The following OVCH1 variants were observed in gnomAD, a reference collection of about 807,000 sequenced individuals.
OVCH1 encodes ovochymase 1, also known as ovochymase-1.
A neutral mutation model predicts 138.4 loss-of-function variants in OVCH1; 139 were observed. That is an observed-to-expected ratio of 1.00 (90% CI 0.87 to 1.16). The LOEUF (loss-of-function observed/expected upper bound fraction) is 1.16. Ranked by LOEUF, OVCH1 falls within the 50% of genes most tolerant of loss-of-function variation. OVCH1 has a pLI of 0.00. For missense variants in OVCH1, 1,367 were observed against 1,357.9 expected (o/e 1.01, Z -0.11); for synonymous variants, 453 against 467.8 (o/e 0.97, Z 0.41).
In OVCH1 at chr12:29,478,779, CTT is replaced by C. The variant is rs1942827986; in HGVS notation, c.1069+54_1069+55del. ...TTTTATTTTAGATCCTTTAGCATCT[CTT>C]TGGTCTTTCAGATACTCTAAAATGA... On this transcript the variant is annotated intron_variant, in intron 9 of 27. Transcript: ENST00000318184. 2.4e-6 allele frequency: 3 copies of C among 1,273,748 alleles called. No individual in the cohort carries two copies. The Admixed American group carries it at 8.6e-5, about 36-fold the overall frequency. 78.9% of individuals were successfully genotyped at this position (1,273,748 alleles called of 1,614,324 possible).
Position 29,456,772 on chromosome 12 carries a change from A to G in OVCH1, c.2281-1367T>C, listed in dbSNP as rs550220792. On this transcript the variant is annotated intron_variant, in intron 19 of 27. Coordinates refer to ENST00000318184, the Ensembl canonical transcript of OVCH1. ...CTTTGTACCCTAGGAAACCTACCAC[A>G]ATATCCAGCACTAACACATGCTAAA... Among the ~76,000 whole-genome samples the G allele has an allele frequency of 7.2e-5, 11 of 152,368 alleles. No homozygotes were observed. In the South Asian group the frequency reaches 2.3e-3, roughly 32 times the overall value.
chr12:29,495,676 T>A (rs1943396660), intron 3 of OVCH1, among the ~76,000 whole-genome samples: 1 of 152,166 alleles, frequency 6.6e-6, no homozygotes, highest in Non-Finnish European at 1.5e-5. Flanking sequence ...GAGTCAAGTA[T>A]TTAAATATTG....
At chr12:29,444,009 T>A (rs1941551949) in intron 24 of OVCH1, 136 bp downstream of exon 24, 17 of 937,068 alleles carry the variant, frequency 1.8e-5, no homozygotes, top group Non-Finnish European at 2.6e-5. Context: ...AAGCCATAGA[T>A]TAGGGGTTAC....
intron 25 of OVCH1, among the ~76,000 whole-genome samples, chr12:29,441,853 CAA>C (rs1390998967): frequency 6.6e-6 from 1 of 151,958 alleles, no homozygotes; most frequent in African/African-American, 2.4e-5. Context: ...TTTATGCAGC[CAA>C]AAAACACATG....
At chr12:29,409,075 A>G (rs1238091719), downstream of OVCH1, among the ~76,000 whole-genome samples, 4 of 152,056 alleles carry the variant, frequency 2.6e-5, no homozygotes, top group East Asian at 1.9e-4. Context: ...ATTTCTTCTA[A>G]ATTTTCTAGT....
At chr12:29,494,314 T>G (rs1040943109) in intron 4 of OVCH1, among the ~76,000 whole-genome samples, 5 of 152,166 alleles carry the variant, frequency 3.3e-5, no homozygotes, top group Admixed American at 2.6e-4. Context: ...TTGTGCTTTG[T>G]TTTTGGCCAC....
intron 23 of OVCH1, among the ~76,000 whole-genome samples, chr12:29,444,560 C>T (rs1048785047): frequency 2.6e-5 from 4 of 151,998 alleles, no homozygotes; most frequent in Admixed American, 2.6e-4. Context: ...TGCCTAATTC[C>T]ATCTGAAAGC....
rs1277852184 is a variant in OVCH1 at position 29,475,073 on chromosome 12, T to A, written c.1588A>T (p.Ile530Phe). The A allele has an allele frequency of 3.2e-6, 5 of 1,585,980 alleles. 1 individual carries two copies. The highest frequency in any genetic ancestry group is 3.6e-5 in the Admixed American group (2 of 56,206). The change falls in exon 14 of 28, where the codon ATT becomes TTT. Residue 530 changes from isoleucine (I) to phenylalanine (F), a missense_variant. Transcript: ENST00000318184. Reference sequence around the variant, plus strand: ...TGTTTATACTCACCTGAGGGCAAAATGGTAAATCTGGCCTTGAAGCCTTGT... The same window carrying A: ...TGTTTATACTCACCTGAGGGCAAAAAGGTAAATCTGGCCTTGAAGCCTTGT...
exon 16 of OVCH1, chr12:29,471,956 G>A (rs760367604): frequency 6.2e-7 from 1 of 1,612,644 alleles, no homozygotes; most frequent in South Asian, 1.1e-5. Flanking sequence ...AGCCACTGGG[G>A]ACTAAATGGA....
chr12:29,424,472 CTG>C (rs1450496326), downstream of OVCH1, among the ~76,000 whole-genome samples: 4 of 152,164 alleles, frequency 2.6e-5, no homozygotes, highest in African/African-American at 9.7e-5. Flanking sequence ...CAACAGGAAA[CTG>C]TTACTCTGTT....
At chr12:29,402,655 AAGG>A in the OVCH1 span, among the ~76,000 whole-genome samples, 1 of 151,936 alleles carries the variant, frequency 6.6e-6, no homozygotes, top group South Asian at 2.1e-4. Context: ...GGAGAAAAGA[AAGG>A]AGAAGAGGGA....
intron 15 of OVCH1, among the ~76,000 whole-genome samples, chr12:29,472,740 C>T (rs1942556511): frequency 6.6e-6 from 1 of 152,214 alleles, no homozygotes; most frequent in South Asian, 2.1e-4. Flanking sequence ...TTGCCCCACA[C>T]TGACTATAGA....
chr12:29,455,498 G>T lies in OVCH1; in HGVS notation c.2281-93C>A, dbSNP rs571745428. ...AACAAGAATGACCAATAATGTATTT[G>T]TAATGTGTTTAATTCCTTAAAGATT... On this transcript the variant is annotated intron_variant, in intron 19 of 27. Transcript: ENST00000318184. 7 of 1,328,228 alleles carry T rather than the reference G, an allele frequency of 5.3e-6. No homozygotes were observed. The East Asian group carries it at 1.2e-4, about 23-fold the overall frequency. 82.3% of individuals were successfully genotyped at this position (1,328,228 alleles called of 1,614,324 possible). A position where few individuals can be genotyped will look rare whatever the true frequency, so the allele number is the denominator to read the frequency against.
intron 17 of OVCH1, 77 bp downstream of exon 17, chr12:29,465,070 T>G: frequency 2.4e-6 from 3 of 1,235,408 alleles, no homozygotes; most frequent in Non-Finnish European, 3.4e-6. Context: ...TAATTACATA[T>G]TTTAGCTAAA....
chr12:29,466,297 A>ATACTGTATTTATCTCAG (rs1942317480), intron 16 of OVCH1, among the ~76,000 whole-genome samples: 1 of 152,202 alleles, frequency 6.6e-6, no homozygotes, highest in South Asian at 2.1e-4. Flanking sequence ...GTTTCTCTTA[A>ATACTGTATTTATCTCAG]TACTGTATTT....
chr12:29,485,317 TAAAAAAA>T (rs869216306), intron 8 of OVCH1, among the ~76,000 whole-genome samples: 3 of 89,840 alleles, frequency 3.3e-5, no homozygotes, highest in African/African-American at 9.0e-5. Context: ...ACCCAGTCTT[TAAAAAAA>T]AAAAAAAAAA....
At chr12:29,496,185 T>G (rs779763167) in exon 3 of OVCH1, 2 of 1,603,924 alleles carry the variant, frequency 1.2e-6, no homozygotes, top group East Asian at 4.5e-5. Flanking sequence ...ACTTACTCAC[T>G]GAGGCTGTCC....
rs575643057 is a variant in OVCH1 at position 29,445,164 on chromosome 12, T to G, written c.2881+114A>C. 40 of 1,252,372 alleles carry G rather than the reference T, an allele frequency of 3.2e-5. No homozygotes were observed. The African/African-American group carries it at 6.1e-4, about 19-fold the overall frequency. 77.6% of individuals were successfully genotyped at this position (1,252,372 alleles called of 1,614,324 possible). A position where few individuals can be genotyped will look rare whatever the true frequency, so the allele number is the denominator to read the frequency against. On this transcript the variant is annotated intron_variant, in intron 23 of 27. Coordinates refer to ENST00000318184, the Ensembl canonical transcript of OVCH1. ...ATTTTCCTTTCAAACATATACTCAT[T>G]TCCCCACAGAAACATAATTTCTTTC...
intron 3 of OVCH1, among the ~76,000 whole-genome samples, chr12:29,416,087 A>C: frequency 6.6e-6 from 1 of 151,770 alleles, no homozygotes; most frequent in South Asian, 2.1e-4. Context: ...GCAAAAAAAA[A>C]AGGAAAAAGG....
Sources: gnomAD v4.1 joint callset for allele counts (sites outside exome capture counted in the v4.1 genomes callset) on GRCh38, gnomAD v4.1.1 for gene constraint, MANE v1.5 for transcripts, NCBI Gene and HGNC (gene_info 2026-07-23, HGNC 2026-07-21) for gene names.